TTC21B: variants seen among roughly 807,000 people sequenced by gnomAD.
TTC21B encodes tetratricopeptide repeat protein 21B.
A neutral mutation model predicts 175.1 loss-of-function variants in TTC21B; 127 were observed. The observed-to-expected ratio is 0.73, with a 90% CI of 0.63 to 0.84. TTC21B has a LOEUF of 0.84. Among genes scored for constraint, TTC21B ranks in the 40% least tolerant of loss-of-function variants. The probability of loss-of-function intolerance (pLI) is 0.00; values close to 1 mark genes in which losing one functional copy is unlikely to be tolerated. For missense variants in TTC21B, 1,561 were observed against 1,558.3 expected (o/e 1.00, Z -0.03); for synonymous variants, 524 against 524.5 (o/e 1.00, Z 0.01).
chr2:165,929,080 T>C (rs1686784868), intron 11 of TTC21B, 55 bp downstream of exon 11: 1 of 1,544,888 alleles, frequency 6.5e-7, no homozygotes, highest in South Asian at 1.1e-5. Context: ...TTTTAAGTTC[T>C]TTCATAAAAC....
intron 22 of TTC21B, among the ~76,000 whole-genome samples, chr2:165,893,366 A>T (rs1685258417): frequency 6.6e-6 from 1 of 151,910 alleles, no homozygotes; most frequent in African/African-American, 2.4e-5. Flanking sequence ...TTCGGATTAA[A>T]TTTTTTTTGC....
intron 26 of TTC21B, among the ~76,000 whole-genome samples, chr2:165,881,784 A>G (rs1254334262): frequency 2.0e-5 from 3 of 152,254 alleles, no homozygotes; most frequent in South Asian, 4.1e-4. Context: ...TTTCCAGAAT[A>G]TGAGTTTAAA....
chr2:165,884,807 T>A (rs1163134687), intron 25 of TTC21B, among the ~76,000 whole-genome samples: 4 of 152,210 alleles, frequency 2.6e-5, no homozygotes, highest in Non-Finnish European at 5.9e-5. Context: ...ATAATGTGTA[T>A]GTTCCTGATT....
intron 26 of TTC21B, 86 bp from the exon 27 acceptor site, chr2:165,880,885 A>T (rs1574061487): frequency 7.3e-7 from 1 of 1,374,598 alleles, no homozygotes; most frequent in Admixed American, 1.9e-5. Flanking sequence ...GGTCAATCAT[A>T]TCAACCCATT....
chr2:165,912,741 AT>A, intron 16 of TTC21B, 117 bp from the exon 17 acceptor site: 1 of 815,008 alleles, frequency 1.2e-6, no homozygotes, highest in Non-Finnish European at 2.1e-6. Context: ...GACTTGGCAT[AT>A]ATTAAAGCAC....
At chr2:165,953,186 A>G (rs1306113500) in intron 1 of TTC21B, among the ~76,000 whole-genome samples, 1 of 152,204 alleles carries the variant, frequency 6.6e-6, no homozygotes, top group Non-Finnish European at 1.5e-5. Flanking sequence ...GACCGTCATT[A>G]ATATTTGCTG....
chr2:165,891,883 T>C lies in TTC21B; in HGVS notation c.2951-895A>G, dbSNP rs370724088. On this transcript the variant is annotated intron_variant, in intron 22 of 28. Transcript: ENST00000243344. ...TCATATATTTGAAAACCAACCTATA[T>C]ATAAATGTAAGCAAAGATATTTCTT... Among the ~76,000 whole-genome samples the C allele has an allele frequency of 2.6e-5, 4 of 152,110 alleles. No individual in the cohort carries two copies. In the East Asian group the frequency reaches 7.7e-4, roughly 29 times the overall value.
chr2:165,901,540 C>G (rs1159571296), intron 20 of TTC21B, among the ~76,000 whole-genome samples, 182 bp downstream of exon 20: 4 of 152,088 alleles, frequency 2.6e-5, no homozygotes, highest in African/African-American at 9.7e-5. Flanking sequence ...TCAGGCTGGT[C>G]TCAAACTCCT....
chr2:165,927,416 G>A (rs1441142829), intron 11 of TTC21B, among the ~76,000 whole-genome samples: 1 of 140,594 alleles, frequency 7.1e-6, no homozygotes, highest in Non-Finnish European at 1.5e-5. Flanking sequence ...CCCTCTTCAT[G>A]AGGCCTATCC....
At chr2:165,950,807 C>A (rs1359211353) in intron 1 of TTC21B, among the ~76,000 whole-genome samples, 1 of 152,188 alleles carries the variant, frequency 6.6e-6, no homozygotes, top group Non-Finnish European at 1.5e-5. Flanking sequence ...TGGGGCTCCC[C>A]ATGTTGGCCA....
chr2:165,883,432 G>T (rs142496911), intron 26 of TTC21B, among the ~76,000 whole-genome samples: 1 of 152,218 alleles, frequency 6.6e-6, no homozygotes, highest in East Asian at 1.9e-4. Context: ...TTCATCAAGA[G>T]TATTTCTTAA....
At chr2:165,874,982 A>C in intron 28 of TTC21B, 150 bp from the exon 29 acceptor site, 1 of 686,674 alleles carries the variant, frequency 1.5e-6, no homozygotes, top group Non-Finnish European at 2.6e-6. Flanking sequence ...TGGCATTTTA[A>C]ATGTAACATG....
At chr2:165,949,275 T>A in intron 3 of TTC21B, 119 bp downstream of exon 3, 1 of 777,530 alleles carries the variant, frequency 1.3e-6, no homozygotes, top group Non-Finnish European at 2.2e-6. Context: ...TATGTATAAA[T>A]TGTACCTACA....
intron 26 of TTC21B, among the ~76,000 whole-genome samples, chr2:165,882,458 TATC>T (rs1254921598): frequency 1.3e-5 from 2 of 152,168 alleles, no homozygotes; most frequent in Non-Finnish European, 2.9e-5. Context: ...ATATTGCAGT[TATC>T]ATTCTTATCA....
intron 13 of TTC21B, among the ~76,000 whole-genome samples, chr2:165,917,984 G>A (rs1686240478): frequency 6.6e-6 from 1 of 151,904 alleles, no homozygotes; most frequent in Non-Finnish European, 1.5e-5. Context: ...CTTTACGTTG[G>A]CTATCAACAG....
chr2:165,913,018 T>C (rs1023444808), intron 16 of TTC21B, among the ~76,000 whole-genome samples: 1 of 151,778 alleles, frequency 6.6e-6, no homozygotes, highest in African/African-American at 2.4e-5. Flanking sequence ...AGAAGACTCC[T>C]AACATACCTC....
intron 12 of TTC21B, among the ~76,000 whole-genome samples, chr2:165,921,798 T>G (rs1559061026): frequency 6.6e-6 from 1 of 152,052 alleles, no homozygotes; most frequent in Non-Finnish European, 1.5e-5. Context: ...CTTTTTTTTT[T>G]TTTTTTGGTT....
In TTC21B at chr2:165,881,815, T is replaced by C. The variant is rs183316759; in HGVS notation, c.3685-1016A>G. Among the ~76,000 whole-genome samples, 62 of 152,256 alleles carry C rather than the reference T, an allele frequency of 4.1e-4. 1 individual carries two copies. Among genetic ancestry groups the C allele is most frequent in the African/African-American group, 1.4e-3 (60 of 41,574 alleles). On this transcript the variant is annotated intron_variant, in intron 26 of 28. Coordinates refer to ENST00000243344, the MANE Select transcript of TTC21B (RefSeq NM_024753.5). The stretch of plus-strand genomic sequence containing the variant: ...TTAAAAATATTGAAAAATCTGAAAG[T>C]ATATATTAAAAATCACTACATTTAA...
intron 7 of TTC21B, among the ~76,000 whole-genome samples, chr2:165,932,357 A>G (rs1249218603): frequency 6.6e-6 from 1 of 152,142 alleles, no homozygotes; most frequent in Admixed American, 6.5e-5. Flanking sequence ...AGATACTCCT[A>G]GCATTTACTG....
Sources: gnomAD v4.1 joint callset for allele counts (sites outside exome capture counted in the v4.1 genomes callset) on GRCh38, gnomAD v4.1.1 for gene constraint, MANE v1.5 for transcripts, NCBI Gene and HGNC (gene_info 2026-07-23, HGNC 2026-07-21) for gene names.